Variants in STPG2 observed in about 807,000 individuals in gnomAD.
STPG2 encodes the protein sperm-tail PG-rich repeat-containing protein 2.
A neutral mutation model predicts 54.2 loss-of-function variants in STPG2; 56 were observed. That is an observed-to-expected ratio of 1.03 (90% confidence interval 0.83 to 1.29). The LOEUF is 1.29. Among genes scored for constraint, STPG2 ranks in the 50% most tolerant of loss-of-function variants. The pLI is 0.00. For synonymous variants in STPG2, 200 were observed against 181.8 expected (o/e 1.10, Z -0.81); for missense variants, 596 against 544.9 (o/e 1.09, Z -0.93).
chr4:97,528,365 G>C (rs1731330714), intron 4 of STPG2, among the ~76,000 whole-genome samples: 1 of 152,118 alleles, frequency 6.6e-6, no homozygotes, highest in Non-Finnish European at 1.5e-5. Context: ...CTATATATCT[G>C]TTTTGGTACC....
intron 6 of STPG2, 31 bp from the exon 7 acceptor site, chr4:97,972,471 A>G: frequency 7.6e-7 from 1 of 1,323,162 alleles, no homozygotes. Flanking sequence ...ATATATAAGA[A>G]TAAGCATGCT....
chr4:97,990,864 CAT>C (rs1378028157), intron 5 of STPG2, among the ~76,000 whole-genome samples: 1 of 152,064 alleles, frequency 6.6e-6, no homozygotes, highest in Non-Finnish European at 1.5e-5. Flanking sequence ...GGGGAAAAAA[CAT>C]ACAGTTTAAA....
intron 7 of STPG2, among the ~76,000 whole-genome samples, chr4:97,960,089 AG>A (rs1452775328): frequency 6.6e-6 from 1 of 152,212 alleles, no homozygotes; most frequent in East Asian, 1.9e-4. Flanking sequence ...AGAATTAAAA[AG>A]AAAATTCACA....
At chr4:98,022,367 G>A (rs1388619584) in intron 5 of STPG2, among the ~76,000 whole-genome samples, 2 of 152,144 alleles carry the variant, frequency 1.3e-5, no homozygotes, top group African/African-American at 4.8e-5. Flanking sequence ...CTGGCTTGTA[G>A]AGTTTCTGCC....
intron 10 of STPG2, among the ~76,000 whole-genome samples, chr4:97,623,027 C>T (rs573324259): frequency 3.3e-5 from 5 of 152,072 alleles, no homozygotes; most frequent in Admixed American, 6.6e-5. Context: ...GAAAGGACTC[C>T]GTATTCAACA....
intron 10 of STPG2, among the ~76,000 whole-genome samples, chr4:97,643,316 T>C (rs1721816751): frequency 6.6e-6 from 1 of 151,668 alleles, no homozygotes; most frequent in Non-Finnish European, 1.5e-5. Context: ...TTGGTGCTGC[T>C]CTCACATTCA....
chr4:98,090,414 G>A (rs1738650371), intron 5 of STPG2, among the ~76,000 whole-genome samples: 1 of 151,992 alleles, frequency 6.6e-6, no homozygotes, highest in South Asian at 2.1e-4. Flanking sequence ...TGGTCTACAT[G>A]CCTATTTTTA....
rs1740081252 is a variant in STPG2, at chr4:98,134,412, T to C, written c.157A>G (p.Thr53Ala). 2 of 1,590,092 alleles carry C rather than the reference T, an allele frequency of 1.3e-6. No individual in the cohort carries two copies. The highest frequency in any genetic ancestry group is 2.3e-5 in the South Asian group (2 of 87,788). Residue 53 changes from threonine to alanine, a missense_variant, in exon 2 of 11, where the codon ACC (threonine) becomes GCC (alanine). By Grantham distance (58) the Thr-to-Ala change is moderately conservative. Transcript: ENST00000295268. ...GCTTTCTCAATGCTAGAGGCAATGG[T>C]AAAAGTACTTTCTCTGGCAGTCAAA... ...LSLTARESTF[T>A]IASSIEKAVP... is the part of the protein sequence containing the mutation.
At chr4:97,849,652 C>T (rs1483241737) in intron 8 of STPG2, among the ~76,000 whole-genome samples, 1 of 151,974 alleles carries the variant, frequency 6.6e-6, no homozygotes, top group East Asian at 1.9e-4. Flanking sequence ...TTTATGCAGC[C>T]AAAAAACACA....
intron 9 of STPG2, among the ~76,000 whole-genome samples, chr4:97,715,377 G>C (rs1029377872): frequency 6.6e-6 from 1 of 152,098 alleles, no homozygotes; most frequent in Non-Finnish European, 1.5e-5. Context: ...TGTATAATGG[G>C]AAATTCAAGA....
intron 8 of STPG2, among the ~76,000 whole-genome samples, chr4:97,926,729 T>C (rs1732344787): frequency 6.6e-6 from 1 of 152,062 alleles, no homozygotes; most frequent in Admixed American, 6.6e-5. Flanking sequence ...ATCACTAAAT[T>C]TTAACATGTT....
intron 5 of STPG2, among the ~76,000 whole-genome samples, chr4:98,075,840 T>C (rs1398157002): frequency 6.6e-6 from 1 of 152,232 alleles, no homozygotes; most frequent in Non-Finnish European, 1.5e-5. Flanking sequence ...TCCTGCATAA[T>C]ATCACATAAA....
intron 10 of STPG2, among the ~76,000 whole-genome samples, chr4:97,706,621 G>C (rs1723952047): frequency 6.6e-6 from 1 of 152,102 alleles, no homozygotes; most frequent in South Asian, 2.1e-4. Flanking sequence ...TAGAGAGAAT[G>C]GTAGTCTGAA....
At chr4:97,615,180 T>G (rs1034104043) in intron 10 of STPG2, among the ~76,000 whole-genome samples, 1 of 152,186 alleles carries the variant, frequency 6.6e-6, no homozygotes, top group Non-Finnish European at 1.5e-5. Flanking sequence ...CATGTTGCTT[T>G]GAAAGGGTCT....
chr4:98,025,693 C>T, intron 5 of STPG2: 3 of 1,255,684 alleles, frequency 2.4e-6, no homozygotes, highest in Non-Finnish European at 3.5e-6. Context: ...GTACTGGCCT[C>T]CTGCTGGCCT....
intron 4 of STPG2, among the ~76,000 whole-genome samples, chr4:97,486,961 T>G (rs911267291): frequency 5.3e-5 from 8 of 150,828 alleles, no homozygotes; most frequent in African/African-American, 1.9e-4. Flanking sequence ...TGGATGAGAT[T>G]GGAGACTATT....
In STPG2 at chr4:97,444,313, A is replaced by G. The variant is rs1729163611; in HGVS notation, c.463-256480T>C. Among the ~76,000 whole-genome samples, 2 of 152,192 alleles carry G rather than the reference A, an allele frequency of 1.3e-5. 1 individual carries two copies. Among genetic ancestry groups the G allele is most frequent in the South Asian group, 4.1e-4 (2 of 4,836 alleles). On this transcript the variant is annotated intron_variant, in intron 4 of 4. Transcript: ENST00000522676. ...ACAATCCAGAGTATTAACAAACACC[A>G]AGGAGAATTGGGGCAGAAGGTAGGA...
At chr4:98,011,067 C>T (rs1270874969) in intron 5 of STPG2, among the ~76,000 whole-genome samples, 2 of 152,060 alleles carry the variant, frequency 1.3e-5, no homozygotes, top group Admixed American at 1.3e-4. Flanking sequence ...AGTTTTAAAG[C>T]CCCACATGCA....
chr4:97,784,068 T>TA (rs554533523), intron 9 of STPG2, among the ~76,000 whole-genome samples: 187 of 120,390 alleles, frequency 1.6e-3, no homozygotes, highest in African/African-American at 3.0e-3. Context: ...AAAGTATAAT[T>TA]AAAAAAAAAA....
Sources: allele counts gnomAD v4.1 joint callset (sites outside exome capture counted in the v4.1 genomes callset), GRCh38; gene constraint gnomAD v4.1.1; transcripts MANE v1.5; gene names NCBI Gene and HGNC (gene_info 2026-07-23, HGNC 2026-07-21).